ZMAT5: variants seen among roughly 807,000 people sequenced by gnomAD.
The protein encoded by ZMAT5 is zinc finger matrin-type protein 5.
ZMAT5 carries 23 observed loss-of-function variants against 28.0 expected under a neutral mutation model. That is an observed-to-expected ratio of 0.82 (90% CI 0.59 to 1.16). ZMAT5 has a LOEUF of 1.16. Among genes scored for constraint, ZMAT5 ranks in the 50% most tolerant of loss-of-function variants. The pLI, the probability that ZMAT5 is intolerant of heterozygous loss-of-function variation, is 0.00. For missense variants in ZMAT5, 173 were observed against 212.7 expected (o/e 0.81, Z 1.16); for synonymous variants, 76 against 84.1 (o/e 0.90, Z 0.52).
intron 2 of ZMAT5, among the ~76,000 whole-genome samples, chr22:29,745,742 G>T (rs953156650): frequency 6.6e-6 from 1 of 152,242 alleles, no homozygotes; most frequent in African/African-American, 2.4e-5. Context: ...ATGGCGGATG[G>T]ATCATCAGCC....
intron 1 of ZMAT5, among the ~76,000 whole-genome samples, chr22:29,751,287 T>A (rs1001529620): frequency 1.1e-4 from 16 of 152,246 alleles, no homozygotes; most frequent in African/African-American, 3.6e-4. Flanking sequence ...TGTGTGACCT[T>A]GGGCAAGTCA....
chr22:29,737,727 T>C (rs953869530), intron 5 of ZMAT5, among the ~76,000 whole-genome samples: 1 of 151,944 alleles, frequency 6.6e-6, no homozygotes, highest in African/African-American at 2.4e-5. Context: ...CGTTCTGATG[T>C]GAATATCACC....
chr22:29,760,015 AC>A (rs909029133), intron 1 of ZMAT5, among the ~76,000 whole-genome samples: 25 of 152,274 alleles, frequency 1.6e-4, no homozygotes, highest in Non-Finnish European at 1.2e-4. Flanking sequence ...ACCCTGGGCA[AC>A]ATGGTGAAAC....
chr22:29,764,179 A>G (rs2068185919), intron 1 of ZMAT5, among the ~76,000 whole-genome samples: 1 of 152,164 alleles, frequency 6.6e-6, no homozygotes, highest in Admixed American at 6.5e-5. Flanking sequence ...GAAACAAGCC[A>G]CACCTTTAAC....
intron 2 of ZMAT5, among the ~76,000 whole-genome samples, chr22:29,743,591 C>A (rs963660226): frequency 3.3e-5 from 5 of 151,986 alleles, no homozygotes; most frequent in African/African-American, 1.2e-4. Context: ...CCACCATGCC[C>A]GGCTAATTTT....
At chr22:29,766,261 C>T (rs1195319430) in intron 1 of ZMAT5, among the ~76,000 whole-genome samples, 3 of 152,190 alleles carry the variant, frequency 2.0e-5, no homozygotes, top group Non-Finnish European at 4.4e-5. Context: ...CTCAAACATC[C>T]CAGGACTGTA....
intron 1 of ZMAT5, among the ~76,000 whole-genome samples, chr22:29,760,008 C>T (rs1186133122): frequency 6.6e-6 from 1 of 152,086 alleles, no homozygotes; most frequent in Non-Finnish European, 1.5e-5. Flanking sequence ...TGAGACCACC[C>T]TGGGCAACAT....
At position 29,731,308 on chromosome 22, in the gene ZMAT5, G is replaced by A; in HGVS notation, c.430C>T (p.Pro144Ser). The A allele has an allele frequency of 6.5e-7, 1 of 1,528,234 alleles. No individual in the cohort carries two copies. Among genetic ancestry groups the A allele is most frequent in the Non-Finnish European group, 8.7e-7 (1 of 1,149,918 alleles). The allele number at this position is 1,528,234 out of a possible 1,614,324, so 94.7% of individuals were successfully genotyped here. A position where few individuals can be genotyped will look rare whatever the true frequency, so the allele number is the denominator to read the frequency against. The part of the protein sequence containing the change: ...TTVFQYPVGW[P>S]PVQELPPSLR... ...GATGGAGGCAGCTCCTGAACTGGTG[G>A]CCAGCCCACGGGGTACTGGAAGACA... is the stretch of plus-strand genomic sequence containing the variant. Residue 144 changes from proline (P) to serine (S), a missense_variant, in exon 6 of 6, where the codon CCA (proline) becomes TCA (serine). Transcript: ENST00000344318.
At position 29,759,844 on chromosome 22, in the gene ZMAT5, T is replaced by C. The variant is rs191579709; in HGVS notation, c.-28+7028A>G. ...CACTTTGGGAGGCTAGGCGGGCAGATTACCTGAGGTCAGGAGTTGAAGACC... is the reference window on the plus strand; with the variant it reads ...CACTTTGGGAGGCTAGGCGGGCAGACTACCTGAGGTCAGGAGTTGAAGACC... On this transcript the variant is annotated intron_variant, in intron 1 of 5. Coordinates refer to ENST00000344318, the MANE Select transcript of ZMAT5 (RefSeq NM_001003692.2). 2.2e-4 allele frequency among the ~76,000 whole-genome samples: 34 copies of C among 151,420 alleles called. No individual in the cohort carries two copies. The East Asian group carries it at 5.9e-3, about 26-fold the overall frequency.
chr22:29,736,351 C>T (rs887071222), intron 5 of ZMAT5, among the ~76,000 whole-genome samples: 3 of 152,202 alleles, frequency 2.0e-5, no homozygotes, highest in African/African-American at 7.2e-5. Flanking sequence ...GTCTGTACCA[C>T]ATATACTTTT....
At chr22:29,747,993 A>C (rs1601723400) in intron 2 of ZMAT5, 6 of 244,952 alleles carry the variant, frequency 2.4e-5, no homozygotes, top group South Asian at 9.5e-5. Flanking sequence ...TGGCCTCCAC[A>C]GGCTTGGAAG....
At chr22:29,742,309 G>A in intron 3 of ZMAT5, 109 bp downstream of exon 3, 2 of 1,105,554 alleles carry the variant, frequency 1.8e-6, no homozygotes, top group South Asian at 2.6e-5. Flanking sequence ...CTGCAAAGTG[G>A]GCTTGGGATG....
At chr22:29,744,143 G>A (rs2067988070) in intron 2 of ZMAT5, among the ~76,000 whole-genome samples, 1 of 152,188 alleles carries the variant, frequency 6.6e-6, no homozygotes, top group Non-Finnish European at 1.5e-5. Flanking sequence ...GGTGGTACAT[G>A]AGAATCACTA....
At chr22:29,735,121 G>T (rs527619790) in intron 5 of ZMAT5, among the ~76,000 whole-genome samples, 40 of 152,298 alleles carry the variant, frequency 2.6e-4, no homozygotes, top group African/African-American at 8.4e-4. Context: ...AGCAGGGTAG[G>T]GGGTGTGGAT....
chr22:29,747,309 G>T (rs2068017126), intron 2 of ZMAT5: 1 of 152,146 alleles, frequency 6.6e-6, no homozygotes, highest in Non-Finnish European at 1.5e-5. Flanking sequence ...TTGAGGCGGG[G>T]TCTCACAATG....
At chr22:29,760,906 A>G (rs933075397) in intron 1 of ZMAT5, among the ~76,000 whole-genome samples, 1 of 152,222 alleles carries the variant, frequency 6.6e-6, no homozygotes, top group African/African-American at 2.4e-5. Flanking sequence ...AAATAGAAGC[A>G]TAAGAGCAAA....
intron 1 of ZMAT5, among the ~76,000 whole-genome samples, chr22:29,755,763 C>G (rs1363852573): frequency 6.6e-6 from 1 of 152,192 alleles, no homozygotes; most frequent in East Asian, 1.9e-4. Flanking sequence ...CAATAACAAC[C>G]ACGTCTCATC....
At chr22:29,757,177 G>A (rs907950356) in intron 1 of ZMAT5, among the ~76,000 whole-genome samples, 4 of 145,904 alleles carry the variant, frequency 2.7e-5, no homozygotes, top group East Asian at 2.0e-4. Context: ...GATCACGCCA[G>A]TGCACTCCAG....
intron 1 of ZMAT5, among the ~76,000 whole-genome samples, chr22:29,749,900 G>GT (rs2068042250): frequency 6.6e-6 from 1 of 152,160 alleles, no homozygotes; most frequent in African/African-American, 2.4e-5. Context: ...TGCCATGATT[G>GT]TAAGTTTCCT....
Sources: allele counts gnomAD v4.1 joint callset (sites outside exome capture counted in the v4.1 genomes callset), GRCh38; gene constraint gnomAD v4.1.1; transcripts MANE v1.5; gene names NCBI Gene and HGNC (gene_info 2026-07-23, HGNC 2026-07-21).